GABRB3: variants seen among roughly 807,000 people sequenced by gnomAD.
GABRB3 encodes gamma-aminobutyric acid type A receptor subunit beta3.
Under a neutral mutation model 52.1 loss-of-function variants are expected in GABRB3, and 14 were observed. The ratio of observed to expected loss-of-function variants is 0.27; its 90% CI spans 0.18 to 0.42. GABRB3 has a LOEUF of 0.42. Among genes scored for constraint, GABRB3 ranks in the 10% least tolerant of loss-of-function variants. GABRB3 has a pLI of 1.00. For missense variants in GABRB3, 307 were observed against 609.1 expected, an observed-to-expected ratio of 0.50 and a Z score of 5.22; for synonymous variants, 260 against 232.3, an observed-to-expected ratio of 1.12 and a Z score of -1.08.
At chr15:26,753,344 A>C (rs927071783) in intron 3 of GABRB3, among the ~76,000 whole-genome samples, 4 of 152,248 alleles carry the variant, frequency 2.6e-5, no homozygotes, top group Non-Finnish European at 4.4e-5. Flanking sequence ...CAGGAGATTC[A>C]CAGGTGAAAG....
At chr15:26,673,436 C>T (rs181130158) in intron 3 of GABRB3, among the ~76,000 whole-genome samples, 3 of 152,296 alleles carry the variant, frequency 2.0e-5, no homozygotes, top group Admixed American at 6.5e-5. Flanking sequence ...TATTACTTAC[C>T]GGACAATGTC....
At chr15:26,758,956 A>G (rs1023679559) in intron 3 of GABRB3, among the ~76,000 whole-genome samples, 7 of 152,152 alleles carry the variant, frequency 4.6e-5, no homozygotes, top group Admixed American at 2.6e-4. Flanking sequence ...CCTAAGTTAA[A>G]CAGTTGGAAA....
intron 3 of GABRB3, among the ~76,000 whole-genome samples, chr15:26,740,430 C>G (rs1271358739): frequency 3.9e-5 from 6 of 151,994 alleles, no homozygotes; most frequent in Non-Finnish European, 8.8e-5. Flanking sequence ...AAGCAGATGA[C>G]AAGGACGCTG....
At chr15:26,669,282 A>ATGG (rs1213473726) in intron 3 of GABRB3, among the ~76,000 whole-genome samples, 2 of 152,100 alleles carry the variant, frequency 1.3e-5, no homozygotes, top group East Asian at 3.9e-4. Flanking sequence ...GTATCTCCAA[A>ATGG]ATTTAGACAG....
intron 3 of GABRB3, among the ~76,000 whole-genome samples, chr15:26,704,928 T>C (rs934234144): frequency 6.6e-6 from 1 of 152,172 alleles, no homozygotes; most frequent in African/African-American, 2.4e-5. Flanking sequence ...TAATGCTTCA[T>C]TCACTGCAAT....
intron 4 of GABRB3, chr15:26,615,345 A>G: frequency 1.0e-6 from 1 of 985,662 alleles, no homozygotes; most frequent in Middle Eastern, 5.2e-4. Context: ...TACCCTGTCC[A>G]GAGCATTCTC....
intron 3 of GABRB3, among the ~76,000 whole-genome samples, chr15:26,693,430 C>A (rs1888644484): frequency 6.6e-6 from 1 of 152,178 alleles, no homozygotes; most frequent in Non-Finnish European, 1.5e-5. Flanking sequence ...TACACAGGCA[C>A]TTCATGTGCC....
At chr15:26,630,629 G>T (rs1412312496) in intron 3 of GABRB3, among the ~76,000 whole-genome samples, 1 of 152,178 alleles carries the variant, frequency 6.6e-6, no homozygotes, top group Non-Finnish European at 1.5e-5. Flanking sequence ...TTTAAAAAAA[G>T]GGTCTTGCTT....
At chr15:26,660,177 T>A (rs1887496559) in intron 3 of GABRB3, among the ~76,000 whole-genome samples, 1 of 148,318 alleles carries the variant, frequency 6.7e-6, no homozygotes, top group African/African-American at 2.5e-5. Context: ...TTGCGGTGAG[T>A]CGAGATCATG....
At chr15:26,638,392 CTG>C (rs1486187978) in intron 3 of GABRB3, among the ~76,000 whole-genome samples, 1 of 152,210 alleles carries the variant, frequency 6.6e-6, no homozygotes. Context: ...GACGGCACCT[CTG>C]TTCTAGGTCT....
chr15:26,612,087 G>A (rs572337790), intron 4 of GABRB3: 1 of 152,006 alleles, frequency 6.6e-6, no homozygotes, highest in East Asian at 1.9e-4. Context: ...TTATATATCA[G>A]GAACAAAAAA....
chr15:26,659,474 A>T (rs1014357023), intron 3 of GABRB3, among the ~76,000 whole-genome samples: 2 of 152,140 alleles, frequency 1.3e-5, no homozygotes, highest in African/African-American at 4.8e-5. Flanking sequence ...ATGAGCCAAG[A>T]TCGTGCCACT....
intron 8 of GABRB3, among the ~76,000 whole-genome samples, chr15:26,558,761 G>T (rs900583156): frequency 2.0e-5 from 3 of 151,966 alleles, no homozygotes; most frequent in African/African-American, 7.3e-5. Flanking sequence ...AAATTAGCTG[G>T]GCGCGGTGGC....
At chr15:26,553,693 C>T (rs1343155772) in intron 8 of GABRB3, among the ~76,000 whole-genome samples, 1 of 151,978 alleles carries the variant, frequency 6.6e-6, no homozygotes, top group East Asian at 1.9e-4. Flanking sequence ...TGGGATTGTT[C>T]GAGACCATTC....
chr15:26,621,235 A>C lies in GABRB3; in HGVS notation c.461+79T>G. On this transcript the variant is annotated intron_variant, in intron 4 of 8. Transcript: ENST00000311550. This position sits in a 1 kb window ranked among gnomAD's most constrained non-coding sequence, Gnocchi z 4.1. ...TTTATCTGAGGTCATTGCCTCACTTACAATAATCATCTCAAGTGAGATATT... is the reference window on the plus strand; with the variant it reads ...TTTATCTGAGGTCATTGCCTCACTTCCAATAATCATCTCAAGTGAGATATT... The C allele has an allele frequency of 9.0e-7, 1 of 1,107,102 alleles. No homozygotes were observed. Among genetic ancestry groups the C allele is most frequent in the Non-Finnish European group, 1.4e-6 (1 of 718,910 alleles). The allele number at this position is 1,107,102 out of a possible 1,614,324, so 68.6% of individuals were successfully genotyped here. A position where few individuals can be genotyped will look rare whatever the true frequency, so the allele number is the denominator to read the frequency against.
intron 3 of GABRB3, among the ~76,000 whole-genome samples, chr15:26,642,898 T>TG (rs1285745984): frequency 6.6e-6 from 1 of 152,092 alleles, no homozygotes; most frequent in Non-Finnish European, 1.5e-5. Context: ...GTCCACAGCT[T>TG]GGGGGTTGAT....
intron 3 of GABRB3, among the ~76,000 whole-genome samples, chr15:26,679,350 T>A (rs565511197): frequency 6.6e-6 from 1 of 152,224 alleles, no homozygotes; most frequent in Non-Finnish European, 1.5e-5. Context: ...ATATCCTCCT[T>A]GAACTTTCAG....
chr15:26,618,361 A>G (rs1167819683), intron 4 of GABRB3, among the ~76,000 whole-genome samples: 3 of 151,808 alleles, frequency 2.0e-5, no homozygotes, highest in South Asian at 2.1e-4. Flanking sequence ...AAATAACGCC[A>G]CATATCTACA....
At chr15:26,756,411 A>C (rs1465955759) in intron 3 of GABRB3, among the ~76,000 whole-genome samples, 1 of 151,516 alleles carries the variant, frequency 6.6e-6, no homozygotes, top group Non-Finnish European at 1.5e-5. Flanking sequence ...CTACTAAAAA[A>C]AAAAAAAAAT....
Sources: allele counts gnomAD v4.1 joint callset (sites outside exome capture counted in the v4.1 genomes callset), GRCh38; gene constraint gnomAD v4.1.1; non-coding constraint Gnocchi (gnomAD v3.1); transcripts MANE v1.5; gene names NCBI Gene and HGNC (gene_info 2026-07-23, HGNC 2026-07-21).